GRIA3: variants seen among roughly 807,000 people sequenced by gnomAD.
GRIA3 encodes glutamate ionotropic receptor AMPA type subunit 3, also known as glutamate receptor 3.
In GRIA3, 3 loss-of-function variants were observed where a neutral mutation model predicts 63.0. The ratio of observed to expected loss-of-function variants is 0.05; its 90% CI spans 0.02 to 0.12. GRIA3 has a LOEUF of 0.12. Ranked by LOEUF, GRIA3 falls within the 10% of genes least tolerant of loss-of-function variation. The probability of loss-of-function intolerance (pLI) is 1.00; values close to 1 mark genes in which losing one functional copy is unlikely to be tolerated. For missense variants in GRIA3, 347 were observed against 700.9 expected, an observed-to-expected ratio of 0.50 and a Z score of 5.70; for synonymous variants, 274 against 257.9, an observed-to-expected ratio of 1.06 and a Z score of -0.60.
At chrX:123,207,153 TATTATA>T (rs1218797778) in intron 2 of GRIA3, among the ~76,000 whole-genome samples, 1 of 60,490 alleles carries the variant, frequency 1.7e-5, no homozygotes, top group African/African-American at 7.2e-5. Flanking sequence ...ATCACCTCAG[TATTATA>T]ATTTGCAAAA....
chrX:123,326,343 T>C lies in GRIA3; in HGVS notation c.696+130T>C. The C allele has an allele frequency of 4.1e-5, 17 of 417,132 alleles. No individual in the cohort carries two copies. The South Asian group carries it at 7.2e-4, about 18-fold the overall frequency. 34.4% of individuals were successfully genotyped at this position (417,132 alleles called of 1,213,427 possible). A position where few individuals can be genotyped will look rare whatever the true frequency, so the allele number is the denominator to read the frequency against. ...CAACAGTTTTTGATAGTCTCTCTAA[T>C]CCTTTTTTCCTCCCCAGTGGCTGCA... On this transcript the variant is annotated intron_variant, in intron 4 of 15. Coordinates refer to ENST00000620443, the MANE Select transcript of GRIA3 (RefSeq NM_007325.5).
intron 2 of GRIA3, among the ~76,000 whole-genome samples, chrX:123,213,684 A>G (rs1359877500): frequency 1.8e-5 from 2 of 112,321 alleles, no homozygotes; most frequent in Non-Finnish European, 1.9e-5. Context: ...CTTCCTGTAC[A>G]CAGAGCTTTT....
intron 2 of GRIA3, among the ~76,000 whole-genome samples, chrX:123,209,389 G>C (rs990535419): frequency 1.8e-5 from 2 of 111,962 alleles, no homozygotes; most frequent in African/African-American, 6.5e-5. Context: ...GATGGCCTTT[G>C]ATGTGTTTGT....
intron 2 of GRIA3, among the ~76,000 whole-genome samples, chrX:123,236,282 C>T (rs2044301486): frequency 9.0e-6 from 1 of 110,891 alleles, no homozygotes; most frequent in African/African-American, 3.3e-5. Context: ...AAAGTAGGAG[C>T]TTTAAGGGTG....
intron 12 of GRIA3, among the ~76,000 whole-genome samples, chrX:123,431,674 T>C (rs1265959866): frequency 8.9e-6 from 1 of 112,347 alleles, no homozygotes; most frequent in East Asian, 2.8e-4. Flanking sequence ...TTTAACCTGA[T>C]ACAGATTCAT....
At chrX:123,275,685 G>A (rs1002768354) in intron 3 of GRIA3, among the ~76,000 whole-genome samples, 4 of 111,908 alleles carry the variant, frequency 3.6e-5, no homozygotes, top group Admixed American at 9.5e-5. Context: ...TGAATTACAC[G>A]GACACTTAAA....
At chrX:123,408,177 G>C (rs1265266006) in intron 10 of GRIA3, among the ~76,000 whole-genome samples, 1 of 110,857 alleles carries the variant, frequency 9.0e-6, no homozygotes, top group African/African-American at 3.3e-5. Context: ...TGTTGGCCAG[G>C]TTGGTCTCAA....
chrX:123,431,290 C>G (rs2045617131), intron 12 of GRIA3, among the ~76,000 whole-genome samples: 1 of 112,183 alleles, frequency 8.9e-6, no homozygotes, highest in Non-Finnish European at 1.9e-5. Context: ...GACATTTTTA[C>G]TTGTCCTGAG....
chrX:123,236,913 T>G (rs1392705325), intron 2 of GRIA3, among the ~76,000 whole-genome samples: 1 of 111,866 alleles, frequency 8.9e-6, no homozygotes, highest in East Asian at 2.8e-4. Context: ...TCTCAGTCAT[T>G]GATGAAGTTC....
intron 10 of GRIA3, among the ~76,000 whole-genome samples, chrX:123,406,859 C>T (rs924520116): frequency 4.5e-5 from 5 of 111,809 alleles, no homozygotes; most frequent in African/African-American, 1.6e-4. Context: ...TCTGAACCAT[C>T]TTGACATGGC....
chrX:123,206,027 A>G (rs1927878734), intron 2 of GRIA3, among the ~76,000 whole-genome samples: 1 of 111,500 alleles, frequency 9.0e-6, no homozygotes, highest in Non-Finnish European at 1.9e-5. Context: ...CACTTTAGAA[A>G]GATATCCACT....
intron 11 of GRIA3, among the ~76,000 whole-genome samples, chrX:123,426,278 C>T (rs2045589114): frequency 1.8e-5 from 2 of 111,918 alleles, no homozygotes; most frequent in Admixed American, 1.9e-4. Flanking sequence ...CCTTCAGCAA[C>T]ACTGTGAAGG....
chrX:123,186,061 G>GC (rs1927265446), intron 2 of GRIA3, 71 bp downstream of exon 2: 38 of 886,374 alleles, frequency 4.3e-5, no homozygotes, highest in Non-Finnish European at 5.8e-5. Flanking sequence ...TGGCACTTAG[G>GC]GTCTGTGTAT....
chrX:123,255,847 C>T (rs770983396), intron 3 of GRIA3, among the ~76,000 whole-genome samples: 1 of 110,764 alleles, frequency 9.0e-6, no homozygotes, highest in South Asian at 3.9e-4. Flanking sequence ...CACTAATTTA[C>T]CCCTTGAAAA....
intron 9 of GRIA3, 34 bp from the exon 10 acceptor site, chrX:123,404,674 G>A: frequency 1.0e-6 from 1 of 990,853 alleles, no homozygotes; most frequent in African/African-American, 1.9e-5. Context: ...AAATGTATAG[G>A]AGTAATCCTT....
At chrX:123,465,263 T>C (rs371603932) in intron 13 of GRIA3, 151 bp downstream of exon 13, 1 of 560,089 alleles carries the variant, frequency 1.8e-6, no homozygotes, top group East Asian at 3.7e-5. Flanking sequence ...AGACGGTAAA[T>C]TATGGTTTCA....
chrX:123,343,757 C>T (rs765368332), intron 4 of GRIA3, among the ~76,000 whole-genome samples: 4 of 108,143 alleles, frequency 3.7e-5, no homozygotes, highest in African/African-American at 6.8e-5. Flanking sequence ...TTCCTATGCC[C>T]GGCAATTTTT....
At chrX:123,253,194 T>C in intron 2 of GRIA3, 109 bp from the exon 3 acceptor site, 1 of 914,815 alleles carries the variant, frequency 1.1e-6, no homozygotes, top group Non-Finnish European at 1.6e-6. Flanking sequence ...GGCTTCTTTC[T>C]TCTGAGGTAT....
chrX:123,299,816 G>T (rs898724720), intron 3 of GRIA3, among the ~76,000 whole-genome samples: 3 of 111,233 alleles, frequency 2.7e-5, no homozygotes, highest in Non-Finnish European at 5.7e-5. Context: ...TGATTTTCAA[G>T]GGGGAATGCT....
Sources: gnomAD v4.1 joint callset for allele counts (sites outside exome capture counted in the v4.1 genomes callset) on GRCh38, gnomAD v4.1.1 for gene constraint, MANE v1.5 for transcripts, NCBI Gene and HGNC (gene_info 2026-07-23, HGNC 2026-07-21) for gene names.